KIF4A: variants seen among roughly 807,000 people sequenced by gnomAD.
The protein encoded by KIF4A is kinesin family member 4A, also known as chromosome-associated kinesin KIF4A.
KIF4A carries 7 observed loss-of-function variants against 105.9 expected under a neutral mutation model. The observed-to-expected ratio is 0.07, with a 90% CI of 0.04 to 0.12. The LOEUF is 0.12. Among genes scored for constraint, KIF4A ranks in the 10% least tolerant of loss-of-function variants. The pLI is 1.00. For missense variants in KIF4A, 558 were observed against 929.2 expected (o/e 0.60, Z 5.19); for synonymous variants, 281 against 331.3 (o/e 0.85, Z 1.65).
At chrX:70,360,056 G>A (rs1329464315) in intron 15 of KIF4A, among the ~76,000 whole-genome samples, 1 of 111,489 alleles carries the variant, frequency 9.0e-6, no homozygotes, top group East Asian at 2.8e-4. Context: ...CTGTGAGGGT[G>A]GCTTGTGGCC....
chrX:70,377,543 C>T (rs1373894989), intron 18 of KIF4A, among the ~76,000 whole-genome samples: 1 of 112,334 alleles, frequency 8.9e-6, no homozygotes, highest in Non-Finnish European at 1.9e-5. Flanking sequence ...TAGACTACGC[C>T]AACCAACAAC....
At chrX:70,312,197 T>A (rs1240003523) in intron 7 of KIF4A, among the ~76,000 whole-genome samples, 3 of 99,396 alleles carry the variant, frequency 3.0e-5, no homozygotes, top group Non-Finnish European at 6.0e-5. Flanking sequence ...CAGGCTGGAG[T>A]GCAGTGGCAT....
intron 24 of KIF4A, 32 bp from the exon 25 acceptor site, chrX:70,404,683 G>T: frequency 9.2e-7 from 1 of 1,085,888 alleles, no homozygotes; most frequent in Non-Finnish European, 1.3e-6. Flanking sequence ...TGGTACCTTT[G>T]TTACCACCCA....
chrX:70,390,906 A>T (rs2086235368), intron 20 of KIF4A, among the ~76,000 whole-genome samples: 1 of 111,890 alleles, frequency 8.9e-6, no homozygotes, highest in Non-Finnish European at 1.9e-5. Flanking sequence ...ATTCGAGATT[A>T]ATTTGTGTTG....
intron 7 of KIF4A, among the ~76,000 whole-genome samples, chrX:70,314,422 A>T (rs908641212): frequency 8.9e-6 from 1 of 112,339 alleles, no homozygotes; most frequent in African/African-American, 3.2e-5. Context: ...TGACAGAATC[A>T]TAGTTGAGTC....
At chrX:70,351,285 C>T (rs1447511797) in intron 13 of KIF4A, among the ~76,000 whole-genome samples, 2 of 112,207 alleles carry the variant, frequency 1.8e-5, no homozygotes, top group Non-Finnish European at 3.8e-5. Flanking sequence ...AGTAATTTCT[C>T]ATCCCTCACC....
intron 9 of KIF4A, among the ~76,000 whole-genome samples, chrX:70,331,395 G>A (rs754415512): frequency 2.7e-5 from 3 of 111,409 alleles, no homozygotes; most frequent in East Asian, 5.6e-4. Context: ...AGCAAATATC[G>A]CAATAAAGTG....
rs1344772866 is a variant in KIF4A, at chrX:70,371,696, C to T, written c.1675-2455C>T. ...CTCCCGGACGGGACGGCTGGCCGGGCGGGGCCTGACCCCCCCACCTCCCTC... is the reference window on the plus strand; with the variant it reads ...CTCCCGGACGGGACGGCTGGCCGGGTGGGGCCTGACCCCCCCACCTCCCTC... On this transcript the variant is annotated intron_variant, in intron 15 of 30. Transcript: ENST00000374403. Among the ~76,000 whole-genome samples, 9 of 105,559 alleles carry T rather than the reference C, an allele frequency of 8.5e-5. No individual in the cohort carries two copies. In the East Asian group the frequency reaches 1.3e-3, roughly 15 times the overall value. The allele number at this position is 105,559 out of a possible 115,157, so 91.7% of individuals were successfully genotyped here.
chrX:70,299,064 T>A, intron 4 of KIF4A, 49 bp from the exon 5 acceptor site: 7 of 1,009,347 alleles, frequency 6.9e-6, no homozygotes, highest in Non-Finnish European at 9.7e-6. Context: ...ACCCAGAGAT[T>A]ACCACTGTTA....
intron 4 of KIF4A, 76 bp downstream of exon 4, chrX:70,297,264 C>T (rs2085787000): frequency 1.1e-6 from 1 of 892,595 alleles, no homozygotes; most frequent in Non-Finnish European, 1.6e-6. Context: ...TCAGGTTTTT[C>T]CTGACATGAC....
At chrX:70,396,153 C>T (rs1380834699) in intron 22 of KIF4A, 104 bp downstream of exon 22, 11 of 555,221 alleles carry the variant, frequency 2.0e-5, no homozygotes, top group Middle Eastern at 4.1e-4. Context: ...TGGAAAAACA[C>T]GAGAAAATAA....
chrX:70,408,682 A>AT lies in KIF4A; in HGVS notation c.3255+1610dup, dbSNP rs760145081. ...ATATAGACAGCCATGGTGGTAAGTCATTTGGTCAGTCAGAATCATCAAGAA... is the reference window on the plus strand; with the variant it reads ...ATATAGACAGCCATGGTGGTAAGTCATTTTGGTCAGTCAGAATCATCAAGAA... On this transcript the variant is annotated intron_variant, in intron 28 of 30. Transcript: ENST00000374403. Among the ~76,000 whole-genome samples the AT allele has an allele frequency of 4.1e-3, 459 of 112,220 alleles. 1 individual carries two copies. The highest frequency in any genetic ancestry group is 0.014 in the African/African-American group (443 of 30,957).
rs2086290456 is a variant in KIF4A, at chrX:70,403,806, A to C, written c.2620-58A>C. 8 of 1,049,314 alleles carry C rather than the reference A, an allele frequency of 7.6e-6. 1 individual carries two copies. In the South Asian group the frequency reaches 1.8e-4, roughly 23 times the overall value. The allele number at this position is 1,049,314 out of a possible 1,213,427, so 86.5% of individuals were successfully genotyped here. On this transcript the variant is annotated intron_variant, in intron 23 of 30. Coordinates refer to ENST00000374403, the MANE Select transcript of KIF4A (RefSeq NM_012310.5). Reference sequence around the variant, plus strand: ...AGCTGACATTATCCTGCCTGTTGAAAGGGGGAAAGAAAGGTGGTCATTCTT... The same window carrying C: ...AGCTGACATTATCCTGCCTGTTGAACGGGGGAAAGAAAGGTGGTCATTCTT...
intron 15 of KIF4A, among the ~76,000 whole-genome samples, chrX:70,367,037 T>C (rs2086107009): frequency 8.9e-6 from 1 of 111,886 alleles, no homozygotes; most frequent in Non-Finnish European, 1.9e-5. Context: ...TCTTTGTTGG[T>C]TTAAAGTCTG....
At chrX:70,315,121 A>AT (rs1324690825) in intron 7 of KIF4A, among the ~76,000 whole-genome samples, 1 of 111,567 alleles carries the variant, frequency 9.0e-6, no homozygotes, top group Non-Finnish European at 1.9e-5. Context: ...TCTGAAACTG[A>AT]TTTTTTCCCT....
At chrX:70,306,536 CTTTAT>C (rs1245768233) in intron 7 of KIF4A, among the ~76,000 whole-genome samples, 1 of 111,115 alleles carries the variant, frequency 9.0e-6, no homozygotes, top group African/African-American at 3.3e-5. Context: ...TTATTTTTAT[CTTTAT>C]TTTATTTTAT....
Position 70,330,204 on chromosome X carries a change from C to A in KIF4A, c.943C>A (p.Pro315Thr). The A allele has an allele frequency of 8.3e-7, 1 of 1,209,768 alleles. No individual in the cohort carries two copies. The change falls in exon 9 of 31, where the codon CCT (proline) becomes ACT (threonine). Residue 315 changes from proline to threonine, a missense_variant. By Grantham distance (38) the Pro-to-Thr change is conservative. This residue lies in a region of KIF4A where 89 missense variants were observed against 248.8 expected (regional missense o/e 0.36). Transcript: ENST00000374403. ...TACTCTTATGATAGCCTGTGTGAGT[C>A]CTGCTGACTCCAATCTAGAGGAAAC... ...SHTLMIACVS[P>T]ADSNLEETLN...
At chrX:70,376,302 C>A in intron 18 of KIF4A, 92 bp downstream of exon 18, 1 of 490,874 alleles carries the variant, frequency 2.0e-6, no homozygotes, top group Non-Finnish European at 3.5e-6. Flanking sequence ...CACCTCGTGT[C>A]TCCAAAAGTG....
At chrX:70,306,217 G>C (rs1033924685) in intron 7 of KIF4A, among the ~76,000 whole-genome samples, 7 of 112,102 alleles carry the variant, frequency 6.2e-5, no homozygotes, top group Admixed American at 9.5e-5. Context: ...CTATTCCTTT[G>C]ATCTATATGC....
Sources: gnomAD v4.1 joint callset for allele counts (sites outside exome capture counted in the v4.1 genomes callset) on GRCh38, gnomAD v4.1.1 for gene constraint, gnomAD v4.1.1 regional missense constraint, MANE v1.5 for transcripts, NCBI Gene and HGNC (gene_info 2026-07-23, HGNC 2026-07-21) for gene names.